MYRIP: variants seen among roughly 807,000 people sequenced by gnomAD.
The protein encoded by MYRIP is myosin VIIA and Rab interacting protein, also known as rab effector MyRIP.
In MYRIP, 49 loss-of-function variants were observed where a neutral mutation model predicts 98.0. The ratio of observed to expected loss-of-function variants is 0.50; its 90% CI spans 0.40 to 0.63. The LOEUF (loss-of-function observed/expected upper bound fraction) is 0.63. Ranked by LOEUF, MYRIP falls within the 30% of genes least tolerant of loss-of-function variation. The pLI is 0.00. For missense variants in MYRIP, 1,004 were observed against 1,058.2 expected (o/e 0.95, Z 0.71); for synonymous variants, 404 against 409.5 (o/e 0.99, Z 0.16).
At chr3:40,234,094 G>GTA (rs1300326672) in intron 12 of MYRIP, 41 bp downstream of exon 12, 6 of 1,545,516 alleles carry the variant, frequency 3.9e-6, no homozygotes, top group Non-Finnish European at 5.2e-6. Flanking sequence ...GTGAATGTAT[G>GTA]TGAAGAAGAA....
At chr3:40,192,863 A>G (rs1161289911) in intron 10 of MYRIP, among the ~76,000 whole-genome samples, 1 of 152,172 alleles carries the variant, frequency 6.6e-6, no homozygotes, top group Non-Finnish European at 1.5e-5. Context: ...TGGAGACAAA[A>G]TAGCACTGGT....
chr3:40,083,973 G>A (rs972025020), intron 3 of MYRIP, among the ~76,000 whole-genome samples: 5 of 151,180 alleles, frequency 3.3e-5, no homozygotes, highest in Middle Eastern at 3.4e-3. Flanking sequence ...CCGTCTCTAC[G>A]AAAAATACAA....
At chr3:40,099,795 G>A (rs541029484) in intron 3 of MYRIP, among the ~76,000 whole-genome samples, 11 of 152,120 alleles carry the variant, frequency 7.2e-5, no homozygotes, top group Non-Finnish European at 1.5e-4. Flanking sequence ...CCATGTCTTT[G>A]GCTCTTCCAT....
chr3:39,929,951 A>G (rs1267151976), intron 2 of MYRIP, among the ~76,000 whole-genome samples: 1 of 151,802 alleles, frequency 6.6e-6, no homozygotes, highest in Admixed American at 6.6e-5. Context: ...TTTTTTGTTT[A>G]CCCATTCATT....
intron 3 of MYRIP, among the ~76,000 whole-genome samples, chr3:40,093,310 T>C (rs1948762471): frequency 6.6e-5 from 10 of 152,198 alleles, no homozygotes; most frequent in Admixed American, 6.5e-4. Flanking sequence ...GTGAAATTTA[T>C]ATAGCATTTT....
chr3:40,073,008 T>C (rs9811506), intron 3 of MYRIP, among the ~76,000 whole-genome samples: 64,909 of 151,620 alleles, frequency 0.43, 14,220 homozygotes, highest in Admixed American at 0.49. Context: ...AATATTCATA[T>C]TTTGAGTTCC....
At chr3:39,958,771 A>T (rs990843499) in intron 2 of MYRIP, among the ~76,000 whole-genome samples, 2 of 152,234 alleles carry the variant, frequency 1.3e-5, no homozygotes, top group Non-Finnish European at 2.9e-5. Context: ...AATTTTTACC[A>T]TCTACCCATC....
chr3:39,955,153 C>T (rs1945123936), intron 2 of MYRIP, among the ~76,000 whole-genome samples: 1 of 152,110 alleles, frequency 6.6e-6, no homozygotes, highest in South Asian at 2.1e-4. Flanking sequence ...GGCCAACATT[C>T]AAATTCAGGA....
At chr3:40,202,851 T>G (rs1201253572) in intron 10 of MYRIP, among the ~76,000 whole-genome samples, 2 of 152,088 alleles carry the variant, frequency 1.3e-5, no homozygotes. Flanking sequence ...CAGTGAGAAA[T>G]GTCTCGTACC....
chr3:40,114,913 G>A (rs1419420419), intron 3 of MYRIP, among the ~76,000 whole-genome samples: 4 of 152,004 alleles, frequency 2.6e-5, no homozygotes, highest in African/African-American at 7.2e-5. Context: ...ATGCACACAC[G>A]GGCCTAAAAA....
intron 2 of MYRIP, among the ~76,000 whole-genome samples, chr3:39,997,165 G>A (rs906141085): frequency 2.0e-5 from 3 of 152,000 alleles, no homozygotes; most frequent in Non-Finnish European, 2.9e-5. Flanking sequence ...CTAGCAGAAG[G>A]CAAGAAATAA....
At chr3:40,059,602 ATC>A (rs1264751439) in intron 3 of MYRIP, among the ~76,000 whole-genome samples, 2 of 151,626 alleles carry the variant, frequency 1.3e-5, no homozygotes, top group African/African-American at 4.8e-5. Flanking sequence ...TTGATTGGTG[ATC>A]TGTCTTTTCA....
intron 4 of MYRIP, among the ~76,000 whole-genome samples, chr3:40,157,444 G>C (rs1254147582): frequency 2.7e-5 from 4 of 149,842 alleles, no homozygotes; most frequent in Non-Finnish European, 5.9e-5. Context: ...AAGGATATTG[G>C]TCTAAAATTC....
At chr3:39,909,990 A>C (rs913350029) in intron 2 of MYRIP, among the ~76,000 whole-genome samples, 1 of 151,990 alleles carries the variant, frequency 6.6e-6, no homozygotes, top group Non-Finnish European at 1.5e-5. Flanking sequence ...TCCCGGGTTC[A>C]AGCGATTCTC....
At chr3:40,037,147 C>T (rs962037176) in intron 2 of MYRIP, among the ~76,000 whole-genome samples, 2 of 151,552 alleles carry the variant, frequency 1.3e-5, no homozygotes, top group African/African-American at 4.9e-5. Context: ...GTCTTGCTCT[C>T]AGTGAATCTG....
At chr3:39,823,161 A>G (rs1255377274) in intron 1 of MYRIP, among the ~76,000 whole-genome samples, 1 of 151,864 alleles carries the variant, frequency 6.6e-6, no homozygotes, top group Non-Finnish European at 1.5e-5. Flanking sequence ...CTGGGATTAC[A>G]GGTGCCTGCC....
intron 2 of MYRIP, among the ~76,000 whole-genome samples, chr3:39,991,831 T>C (rs1208142422): frequency 2.6e-5 from 4 of 152,236 alleles, no homozygotes; most frequent in African/African-American, 4.8e-5. Flanking sequence ...ACTTTATTCA[T>C]TATGTAGTGT....
chr3:39,900,855 T>C lies in MYRIP; in HGVS notation c.39T>C (p.Asp13=), dbSNP rs1399143330. ...RKLDLSGLTD[D]ETEHVLQVVQ... ...TGGACCTGTCTGGTTTGACTGATGATGAAACAGAGCATGTTCTTCAGGTGG... is the reference window on the plus strand; with the variant it reads ...TGGACCTGTCTGGTTTGACTGATGACGAAACAGAGCATGTTCTTCAGGTGG... The change falls in exon 2 of 17, where the codon GAT becomes GAC. Residue 13 remains aspartate (D), a synonymous_variant. Transcript: ENST00000302541. The C allele has an allele frequency of 1.2e-6, 2 of 1,613,874 alleles. No homozygotes were observed. Among genetic ancestry groups the C allele is most frequent in the Admixed American group, 1.7e-5 (1 of 60,008 alleles).
chr3:40,116,510 A>G (rs924790779), intron 3 of MYRIP, among the ~76,000 whole-genome samples: 2 of 152,186 alleles, frequency 1.3e-5, no homozygotes, highest in African/African-American at 4.8e-5. Flanking sequence ...GAGTAAGGAA[A>G]GGGCTCATTG....
Sources: allele counts gnomAD v4.1 joint callset (sites outside exome capture counted in the v4.1 genomes callset), GRCh38; gene constraint gnomAD v4.1.1; transcripts MANE v1.5; gene names NCBI Gene and HGNC (gene_info 2026-07-23, HGNC 2026-07-21).